The following NTM variants were observed in gnomAD, a reference collection of about 807,000 sequenced individuals.
The protein encoded by NTM is IgLON family member 2.
NTM carries 13 observed loss-of-function variants against 42.1 expected under a neutral mutation model. The ratio of observed to expected loss-of-function variants is 0.31; its 90% CI spans 0.20 to 0.49. The LOEUF (loss-of-function observed/expected upper bound fraction) is 0.49, where lower values mean the gene tolerates loss of function less well. Among genes scored for constraint, NTM ranks in the 20% least tolerant of loss-of-function variants. The pLI, the probability that NTM is intolerant of heterozygous loss-of-function variation, is 0.99. For synonymous variants in NTM, 187 were observed against 179.2 expected (o/e 1.04, Z -0.35); for missense variants, 373 against 452.8 (o/e 0.82, Z 1.60).
chr11:131,789,836 G>A (rs1000835324), intron 1 of NTM, among the ~76,000 whole-genome samples: 30 of 150,548 alleles, frequency 2.0e-4, no homozygotes, highest in South Asian at 2.1e-4. Flanking sequence ...GGAGCCTGTA[G>A]TCCCAGCTAC....
intron 7 of NTM, among the ~76,000 whole-genome samples, chr11:132,320,172 C>T (rs189591297): frequency 9.9e-5 from 15 of 152,238 alleles, no homozygotes; most frequent in East Asian, 9.7e-4. Flanking sequence ...GGATAAAAGC[C>T]GCAAGATGGC....
In NTM at chr11:131,742,882, A is replaced by G. The variant is rs149083226; in HGVS notation, c.83-168682A>G. ...CAGCAAGTGTACACATTAAATCTGC[A>G]TGAACTGAATGTGGAAACGCTTGTC... On this transcript the variant is annotated intron_variant, in intron 1 of 8. Transcript: ENST00000683400. 5.7e-3 allele frequency among the ~76,000 whole-genome samples: 875 copies of G among 152,336 alleles called. 16 individuals are homozygous for G. Among genetic ancestry groups the G allele is most frequent in the Non-Finnish European group, 5.2e-3 (356 of 68,032 alleles).
intron 2 of NTM, among the ~76,000 whole-genome samples, chr11:132,085,553 A>G (rs1026555804): frequency 6.6e-6 from 1 of 152,236 alleles, no homozygotes; most frequent in Admixed American, 6.5e-5. Context: ...TTTACCAGTA[A>G]TCTTTAAGAC....
chr11:131,661,059 ACTCAATTCTTCAT>A (rs1358265170), intron 1 of NTM: 1 of 1,301,068 alleles, frequency 7.7e-7, no homozygotes, highest in Non-Finnish European at 1.0e-6. Context: ...GTAGGTGCAT[ACTCAATTCTTCAT>A]CTTTTGCACA....
At chr11:131,760,200 G>A (rs922239527) in intron 1 of NTM, among the ~76,000 whole-genome samples, 1 of 152,206 alleles carries the variant, frequency 6.6e-6, no homozygotes, top group Non-Finnish European at 1.5e-5. Flanking sequence ...GAGGGAGAAG[G>A]TTCTATGGGA....
intron 3 of NTM, among the ~76,000 whole-genome samples, chr11:132,165,617 A>T (rs1006662861): frequency 3.3e-5 from 5 of 152,176 alleles, no homozygotes; most frequent in Admixed American, 2.0e-4. Flanking sequence ...GAACAATTTT[A>T]GGTGAGGAAA....
intron 1 of NTM, among the ~76,000 whole-genome samples, chr11:131,675,924 G>A (rs1008284148): frequency 6.6e-6 from 1 of 152,176 alleles, no homozygotes; most frequent in African/African-American, 2.4e-5. Flanking sequence ...AAGGACTGGG[G>A]TCCAGATCCA....
chr11:131,468,275 G>A (rs1043823790), intron 1 of NTM, among the ~76,000 whole-genome samples: 2 of 152,222 alleles, frequency 1.3e-5, no homozygotes, highest in South Asian at 4.1e-4. Flanking sequence ...TGTGTAATGG[G>A]TTGATTGACA....
chr11:131,995,281 CCA>C (rs574351652), intron 2 of NTM, among the ~76,000 whole-genome samples: 1 of 152,254 alleles, frequency 6.6e-6, no homozygotes, highest in South Asian at 2.1e-4. Flanking sequence ...ATTCTTTGTG[CCA>C]CACAGTGGTC....
chr11:132,028,242 C>G (rs1199228875), intron 2 of NTM, among the ~76,000 whole-genome samples: 2 of 142,398 alleles, frequency 1.4e-5, no homozygotes, highest in Non-Finnish European at 3.1e-5. Context: ...TTTCTTCCAG[C>G]TGGTTTTTTT....
At chr11:132,143,184 G>A (rs2069563018) in intron 2 of NTM, among the ~76,000 whole-genome samples, 1 of 152,116 alleles carries the variant, frequency 6.6e-6, no homozygotes, top group Non-Finnish European at 1.5e-5. Context: ...TATTCACTCT[G>A]CAACTCTCAT....
At chr11:131,846,135 G>A (rs1478543033) in intron 1 of NTM, among the ~76,000 whole-genome samples, 1 of 151,970 alleles carries the variant, frequency 6.6e-6, no homozygotes, top group Admixed American at 6.5e-5. Flanking sequence ...ATATTTTCTT[G>A]TTTTCAAATT....
intron 1 of NTM, chr11:131,536,524 T>C (rs1016335359): frequency 6.6e-6 from 1 of 152,190 alleles, no homozygotes; most frequent in Non-Finnish European, 1.5e-5. Context: ...TTATCAAACA[T>C]ACAGAAAAGA....
intron 1 of NTM, among the ~76,000 whole-genome samples, chr11:131,746,393 T>C (rs2081835658): frequency 6.6e-6 from 1 of 152,076 alleles, no homozygotes; most frequent in Non-Finnish European, 1.5e-5. Flanking sequence ...CTGACTTGTG[T>C]GTAGGAAAAT....
chr11:132,000,732 G>A (rs2069054236), intron 2 of NTM, among the ~76,000 whole-genome samples: 1 of 152,158 alleles, frequency 6.6e-6, no homozygotes, highest in South Asian at 2.1e-4. Flanking sequence ...TACCATGCTG[G>A]TACCAGGGGA....
Position 131,747,193 on chromosome 11 carries a change from TCAA to T in NTM, c.83-164366_83-164364del, listed in dbSNP as rs1180642270. On this transcript the variant is annotated intron_variant, in intron 1 of 8. Transcript: ENST00000683400. The stretch of plus-strand genomic sequence containing the variant: ...GCTTCTCACTACTACAATCTATAAA[TCAA>T]CAACTCCCCAAACTCTATGTGCAGT... Among the ~76,000 whole-genome samples the T allele has an allele frequency of 2.6e-5, 4 of 152,274 alleles. No individual in the cohort carries two copies. In the South Asian group the frequency reaches 8.3e-4, roughly 32 times the overall value.
chr11:131,469,215 C>T (rs1437396115), intron 1 of NTM, among the ~76,000 whole-genome samples: 1 of 152,200 alleles, frequency 6.6e-6, no homozygotes, highest in Non-Finnish European at 1.5e-5. Context: ...CGTGTGTGGG[C>T]TCTGTGAATG....
chr11:132,104,583 C>CG (rs1260775212), intron 2 of NTM, among the ~76,000 whole-genome samples: 2 of 140,462 alleles, frequency 1.4e-5, no homozygotes, highest in East Asian at 2.0e-4. Context: ...GGGACCCCCC[C>CG]CCACCAAAAA....
intron 1 of NTM, among the ~76,000 whole-genome samples, chr11:131,731,002 A>T (rs183423588): frequency 1.3e-5 from 2 of 152,304 alleles, no homozygotes; most frequent in African/African-American, 4.8e-5. Flanking sequence ...TAGAACTACG[A>T]GGCTGCTTTT....
Sources: gnomAD v4.1 joint callset for allele counts (sites outside exome capture counted in the v4.1 genomes callset) on GRCh38, gnomAD v4.1.1 for gene constraint, MANE v1.5 for transcripts, NCBI Gene and HGNC (gene_info 2026-07-23, HGNC 2026-07-21) for gene names.